ZNF804B: variants seen among roughly 807,000 people sequenced by gnomAD.
ZNF804B encodes the protein zinc finger protein 804B, also known as zinc finger 804B.
Under a neutral mutation model 101.4 loss-of-function variants are expected in ZNF804B, and 80 were observed. The ratio of observed to expected loss-of-function variants is 0.79; its 90% CI spans 0.66 to 0.95. The LOEUF (loss-of-function observed/expected upper bound fraction) is 0.95, where lower values mean the gene tolerates loss of function less well. ZNF804B is among the 40% of genes least tolerant of loss of function. The pLI is 0.00. For missense variants in ZNF804B, 1,673 were observed against 1,561.9 expected, an observed-to-expected ratio of 1.07 and a Z score of -1.20; for synonymous variants, 622 against 558.8, an observed-to-expected ratio of 1.11 and a Z score of -1.59.
intron 2 of ZNF804B, among the ~76,000 whole-genome samples, chr7:89,240,245 C>G (rs1789346792): frequency 6.6e-6 from 1 of 151,982 alleles, no homozygotes; most frequent in Non-Finnish European, 1.5e-5. Context: ...GTAACAGAAC[C>G]TAGCCTGTAT....
intron 1 of ZNF804B, among the ~76,000 whole-genome samples, chr7:88,943,458 A>G (rs1450531194): frequency 6.6e-6 from 1 of 151,900 alleles, no homozygotes; most frequent in African/African-American, 2.4e-5. Flanking sequence ...ATTTCCAATT[A>G]TGTAAAATCT....
intron 1 of ZNF804B, among the ~76,000 whole-genome samples, chr7:89,124,107 C>T (rs899944917): frequency 2.6e-5 from 4 of 152,148 alleles, no homozygotes; most frequent in African/African-American, 9.7e-5. Flanking sequence ...TCATGTCCCT[C>T]TGGCTTCTGG....
chr7:88,938,172 T>C (rs994076810), intron 1 of ZNF804B, among the ~76,000 whole-genome samples: 3 of 151,960 alleles, frequency 2.0e-5, no homozygotes, highest in Non-Finnish European at 4.4e-5. Flanking sequence ...TGGTTGACAA[T>C]TGGTTGAGTT....
intron 1 of ZNF804B, among the ~76,000 whole-genome samples, chr7:89,052,974 C>CA (rs1379272143): frequency 6.6e-6 from 1 of 152,152 alleles, no homozygotes; most frequent in Non-Finnish European, 1.5e-5. Flanking sequence ...TAATTAAGAT[C>CA]AACTGTGCTT....
At chr7:89,125,909 C>G (rs1790468987) in intron 1 of ZNF804B, among the ~76,000 whole-genome samples, 1 of 152,016 alleles carries the variant, frequency 6.6e-6, no homozygotes, top group Non-Finnish European at 1.5e-5. Context: ...CGGCTACATG[C>G]TCAAGACTGT....
In ZNF804B at chr7:89,298,214, GTGTATATATATATATATATATA is replaced by G. The variant is rs1320226858; in HGVS notation, c.250-29128_250-29107del. 2.6e-3 allele frequency among the ~76,000 whole-genome samples: 150 copies of G among 58,688 alleles called. 4 individuals carry two copies. The highest frequency in any genetic ancestry group is 9.9e-3 in the African/African-American group (140 of 14,166). 38.5% of individuals were successfully genotyped at this position (58,688 alleles called of 152,430 possible). A position where few individuals can be genotyped will look rare whatever the true frequency, so the allele number is the denominator to read the frequency against. On this transcript the variant is annotated intron_variant, in intron 2 of 3. Coordinates refer to ENST00000333190, the MANE Select transcript of ZNF804B (RefSeq NM_181646.5). ...ATATATCTATATAGTGTGTGTGTGT[GTGTATATATATATATATATATA>G]TATATATATATATATATATATACTT...
Position 89,299,256 on chromosome 7 carries a change from A to C in ZNF804B, c.250-28088A>C, listed in dbSNP as rs148685638. Among the ~76,000 whole-genome samples, 826 of 152,172 alleles carry C rather than the reference A, an allele frequency of 5.4e-3. 11 individuals carry two copies. Among genetic ancestry groups the C allele is most frequent in the African/African-American group, 0.019 (789 of 41,562 alleles). ...AGGAAGATGGTCTATTTGACCAACT[A>C]TTCATGTATTACTCTAGGAATTCTA... is the stretch of plus-strand genomic sequence containing the variant. On this transcript the variant is annotated intron_variant, in intron 2 of 3. Transcript: ENST00000333190.
chr7:89,115,863 G>A (rs16868787), intron 1 of ZNF804B, among the ~76,000 whole-genome samples: 33,521 of 151,128 alleles, frequency 0.22, 3,674 homozygotes, highest in Middle Eastern at 0.26. Context: ...TTATTACTGA[G>A]CATTAATTAA....
chr7:89,211,731 G>C (rs1048210056), intron 1 of ZNF804B, among the ~76,000 whole-genome samples: 2 of 152,072 alleles, frequency 1.3e-5, no homozygotes, highest in African/African-American at 2.4e-5. Context: ...GTACCATACT[G>C]TTTTGGTTAC....
At chr7:89,182,613 C>G (rs1788314081) in intron 1 of ZNF804B, among the ~76,000 whole-genome samples, 1 of 152,118 alleles carries the variant, frequency 6.6e-6, no homozygotes, top group Non-Finnish European at 1.5e-5. Context: ...TTGCCCATTA[C>G]TCCAGAGAAC....
chr7:89,140,804 A>G (rs1790705364), intron 1 of ZNF804B, among the ~76,000 whole-genome samples: 1 of 151,978 alleles, frequency 6.6e-6, no homozygotes, highest in Non-Finnish European at 1.5e-5. Flanking sequence ...TCATGTGTTC[A>G]TTGTAGGAGA....
intron 1 of ZNF804B, among the ~76,000 whole-genome samples, chr7:88,909,346 A>C (rs2115971057): frequency 2.0e-5 from 3 of 151,932 alleles, no homozygotes; most frequent in Admixed American, 2.0e-4. Context: ...CCAATTGCTA[A>C]TTATTTTTCA....
chr7:89,275,315 T>G (rs1468380599), intron 2 of ZNF804B, among the ~76,000 whole-genome samples: 1 of 152,016 alleles, frequency 6.6e-6, no homozygotes, highest in African/African-American at 2.4e-5. Context: ...TGTAATAGCT[T>G]TATAACCAAT....
chr7:89,023,241 G>T (rs950777373), intron 1 of ZNF804B, among the ~76,000 whole-genome samples: 1 of 152,086 alleles, frequency 6.6e-6, no homozygotes, highest in Non-Finnish European at 1.5e-5. Context: ...TTCCTCTATA[G>T]TGCTGACTTT....
At chr7:89,062,130 C>T (rs1365859537) in intron 1 of ZNF804B, among the ~76,000 whole-genome samples, 3 of 152,110 alleles carry the variant, frequency 2.0e-5, no homozygotes, top group African/African-American at 7.2e-5. Flanking sequence ...TTCTCATCTA[C>T]CCTTTACTCT....
intron 1 of ZNF804B, among the ~76,000 whole-genome samples, chr7:89,178,250 T>C (rs1039058734): frequency 3.9e-5 from 6 of 152,054 alleles, no homozygotes; most frequent in Non-Finnish European, 8.8e-5. Flanking sequence ...GATTGGGTAG[T>C]TTCATCCATT....
At chr7:88,940,644 T>G (rs906925825) in intron 1 of ZNF804B, among the ~76,000 whole-genome samples, 1 of 151,454 alleles carries the variant, frequency 6.6e-6, no homozygotes, top group African/African-American at 2.4e-5. Context: ...TGGTGTGCAC[T>G]TGTGGTCCCA....
At chr7:89,103,057 T>TTTTTTTTGTTTG (rs1790083110) in intron 1 of ZNF804B, among the ~76,000 whole-genome samples, 1 of 71,852 alleles carries the variant, frequency 1.4e-5, no homozygotes, top group Admixed American at 1.3e-4. Context: ...TGTTTTTTTT[T>TTTTTTTTGTTTG]TTTTTTTTTT....
At chr7:89,080,215 A>G (rs971426287) in intron 1 of ZNF804B, among the ~76,000 whole-genome samples, 4 of 151,790 alleles carry the variant, frequency 2.6e-5, no homozygotes, top group African/African-American at 9.7e-5. Context: ...ATCAAATCCT[A>G]CTGAAGTTAA....
Sources: gnomAD v4.1 joint callset for allele counts (sites outside exome capture counted in the v4.1 genomes callset) on GRCh38, gnomAD v4.1.1 for gene constraint, MANE v1.5 for transcripts, NCBI Gene and HGNC (gene_info 2026-07-23, HGNC 2026-07-21) for gene names.